FAM161A: variants seen among roughly 807,000 people sequenced by gnomAD.
The protein encoded by FAM161A is FAM161 centrosomal protein A, also known as protein FAM161A.
A neutral mutation model predicts 70.9 loss-of-function variants in FAM161A; 57 were observed. That is an observed-to-expected ratio of 0.80 (90% CI 0.65 to 1.00). FAM161A has a LOEUF of 1.00. Ranked by LOEUF, FAM161A falls within the 50% of genes least tolerant of loss-of-function variation. FAM161A has a pLI of 0.00. For missense variants in FAM161A, 880 were observed against 836.0 expected (o/e 1.05, Z -0.65); for synonymous variants, 299 against 295.7 (o/e 1.01, Z -0.12).
At chr2:61,812,055 C>A in the FAM161A span, among the ~76,000 whole-genome samples, 1 of 152,174 alleles carries the variant, frequency 6.6e-6, no homozygotes, top group South Asian at 2.1e-4. Context: ...CTCCCCCAGT[C>A]ATCCACAGAA....
intron 4 of FAM161A, chr2:61,836,324 C>T (rs1276319060): frequency 2.0e-6 from 1 of 501,400 alleles, no homozygotes; most frequent in African/African-American, 1.9e-5. Flanking sequence ...AGAATAAAAT[C>T]CTAGGTTCTG....
chr2:61,816,183 A>G, the FAM161A span, among the ~76,000 whole-genome samples: 1 of 152,122 alleles, frequency 6.6e-6, no homozygotes, highest in African/African-American at 2.4e-5. Flanking sequence ...ACACACCTCC[A>G]TACTGAGGAT....
chr2:61,832,467 C>A (rs1672618940), intron 5 of FAM161A, among the ~76,000 whole-genome samples: 1 of 152,082 alleles, frequency 6.6e-6, no homozygotes, highest in African/African-American at 2.4e-5. Flanking sequence ...AAAAGAAATA[C>A]AAGAAATGTA....
Position 61,825,567 on chromosome 2 carries a change from T to C in FAM161A, c.*888A>G, listed in dbSNP as rs1308656892. 1 of 444,662 alleles carries C rather than the reference T, an allele frequency of 2.2e-6. No individual in the cohort carries two copies. Among genetic ancestry groups the C allele is most frequent in the Non-Finnish European group, 4.4e-6 (1 of 224,760 alleles). The allele number at this position is 444,662 out of a possible 1,614,324, so 27.5% of individuals were successfully genotyped here. ...GGATAAAAAGAAAAAGGGATGATGG[T>C]GTAGACAATTTAACAGTAAACTCTC... On this transcript the variant is annotated 3_prime_UTR_variant, in exon 7 of 7. Coordinates refer to ENST00000404929, the MANE Select transcript of FAM161A (RefSeq NM_001201543.2).
chr2:61,809,012 G>A, the FAM161A span, among the ~76,000 whole-genome samples: 1 of 151,932 alleles, frequency 6.6e-6, no homozygotes, highest in Non-Finnish European at 1.5e-5. Context: ...AGCTGGGATT[G>A]CAGGCACCTG....
At chr2:61,838,793 G>T (rs1006465198) in intron 3 of FAM161A, 88 bp from the exon 4 acceptor site, 8 of 1,009,684 alleles carry the variant, frequency 7.9e-6, no homozygotes, top group East Asian at 5.8e-5. Context: ...TTTGAATTTT[G>T]ATAATTCAAA....
chr2:61,811,380 TA>T, the FAM161A span, among the ~76,000 whole-genome samples: 4 of 151,852 alleles, frequency 2.6e-5, no homozygotes, highest in African/African-American at 9.7e-5. Context: ...TTATTTTATT[TA>T]TTTATTTATT....
chr2:61,830,787 G>C (rs921934266), intron 5 of FAM161A, among the ~76,000 whole-genome samples: 1 of 151,650 alleles, frequency 6.6e-6, no homozygotes, highest in African/African-American at 2.4e-5. Flanking sequence ...GGGATTACAG[G>C]GTGAGTCACT....
the FAM161A span, among the ~76,000 whole-genome samples, chr2:61,816,044 A>G: frequency 2.0e-5 from 3 of 152,076 alleles, no homozygotes; most frequent in Non-Finnish European, 2.9e-5. Flanking sequence ...CTCTGCAGAG[A>G]GGCTTCCTAA....
At chr2:61,812,511 C>G in the FAM161A span, among the ~76,000 whole-genome samples, 1 of 151,228 alleles carries the variant, frequency 6.6e-6, no homozygotes, top group Non-Finnish European at 1.5e-5. Flanking sequence ...CACCTGAGGT[C>G]AGGAGTTCGA....
the FAM161A span, among the ~76,000 whole-genome samples, chr2:61,809,148 C>T: frequency 6.6e-6 from 1 of 152,170 alleles, no homozygotes; most frequent in Non-Finnish European, 1.5e-5. Context: ...GCTGGGATTA[C>T]AGGCATGAGC....
At chr2:61,823,154 G>A (rs1480435703), downstream of FAM161A, among the ~76,000 whole-genome samples, 1 of 150,946 alleles carries the variant, frequency 6.6e-6, no homozygotes, top group Admixed American at 6.6e-5. Context: ...CCAAGATGGT[G>A]AAATCCCATC....
chr2:61,839,117 T>C (rs1037970419), intron 3 of FAM161A, among the ~76,000 whole-genome samples: 4 of 151,908 alleles, frequency 2.6e-5, no homozygotes, highest in African/African-American at 9.7e-5. Context: ...ACTCCTGACC[T>C]TGTGATCCAC....
the FAM161A span, among the ~76,000 whole-genome samples, chr2:61,807,889 C>T: frequency 3.9e-5 from 6 of 152,160 alleles, no homozygotes; most frequent in African/African-American, 4.8e-5. Flanking sequence ...AAACCTCCTG[C>T]CTTGGCCTCC....
chr2:61,843,007 T>C (rs1270872140), intron 1 of FAM161A, among the ~76,000 whole-genome samples: 1 of 152,172 alleles, frequency 6.6e-6, no homozygotes, highest in Admixed American at 6.5e-5. Flanking sequence ...GTAGCTCCCA[T>C]GGGTGACCGG....
At chr2:61,807,298 GA>G in the FAM161A span, among the ~76,000 whole-genome samples, 252 of 140,156 alleles carry the variant, frequency 1.8e-3, no homozygotes, top group South Asian at 0.015. Context: ...TAAAGAGGCA[GA>G]AAAAAAAAAA....
At chr2:61,839,097 G>A (rs1672895798) in intron 3 of FAM161A, among the ~76,000 whole-genome samples, 1 of 151,606 alleles carries the variant, frequency 6.6e-6, no homozygotes. Context: ...CTCGGCCAGG[G>A]TGGTCTTGAA....
chr2:61,811,474 A>G, the FAM161A span, among the ~76,000 whole-genome samples: 2 of 151,896 alleles, frequency 1.3e-5, no homozygotes, highest in East Asian at 1.9e-4. Flanking sequence ...CCCACATTCA[A>G]GTGATTCTCC....
chr2:61,833,162 C>T lies in FAM161A; in HGVS notation c.1851+2848G>A, dbSNP rs567725005. Among the ~76,000 whole-genome samples the T allele has an allele frequency of 3.0e-4, 46 of 152,102 alleles. 1 individual carries two copies. The highest frequency in any genetic ancestry group is 8.9e-4 in the African/African-American group (37 of 41,470). ...GTGATGGGCCAGGCATGGTGGTTCA[C>T]GCCTGTAATCCCAGCACTTTGGGAG... On this transcript the variant is annotated intron_variant, in intron 5 of 6. Transcript: ENST00000404929.
Sources: allele counts gnomAD v4.1 joint callset (sites outside exome capture counted in the v4.1 genomes callset), GRCh38; gene constraint gnomAD v4.1.1; transcripts MANE v1.5; gene names NCBI Gene and HGNC (gene_info 2026-07-23, HGNC 2026-07-21).